The following GRID2 variants were observed in gnomAD, a reference collection of about 807,000 sequenced individuals.
GRID2 encodes the protein glutamate ionotropic receptor delta type subunit 2, also known as glutamate receptor ionotropic, delta-2.
A neutral mutation model predicts 114.8 loss-of-function variants in GRID2; 33 were observed. The ratio of observed to expected loss-of-function variants is 0.29; its 90% CI spans 0.22 to 0.38. The LOEUF is 0.38. Ranked by LOEUF, GRID2 falls within the 10% of genes least tolerant of loss-of-function variation. The probability of loss-of-function intolerance (pLI) is 1.00; values close to 1 mark genes in which losing one functional copy is unlikely to be tolerated. For synonymous variants in GRID2, 505 were observed against 449.9 expected, an observed-to-expected ratio of 1.12 and a Z score of -1.55; for missense variants, 1,184 against 1,257.7, an observed-to-expected ratio of 0.94 and a Z score of 0.89.
At chr4:93,760,590 C>A (rs1382817225) in intron 14 of GRID2, among the ~76,000 whole-genome samples, 1 of 152,186 alleles carries the variant, frequency 6.6e-6, no homozygotes, top group Non-Finnish European at 1.5e-5. Flanking sequence ...CTTCACCTCA[C>A]CGGCAGGAGT....
rs749790235 is a variant in GRID2, at chr4:92,460,032, C to CTCTATATATATATATATA, written c.89-130098_89-130097insCTATATATATATATATAT. Among the ~76,000 whole-genome samples the CTCTATATATATATATATA allele has an allele frequency of 6.1e-3, 295 of 48,290 alleles. 2 individuals are homozygous for CTCTATATATATATATATA. Among genetic ancestry groups the CTCTATATATATATATATA allele is most frequent in the Admixed American group, 8.5e-3 (32 of 3,752 alleles). 31.7% of individuals were successfully genotyped at this position (48,290 alleles called of 152,430 possible). On this transcript the variant is annotated intron_variant, in intron 1 of 15. Transcript: ENST00000282020. ...AGCCCATTCCTTAAAATAAATCTCA[C>CTCTATATATATATATATA]TATATATATATATATATATATACAC...
chr4:93,522,496 C>T (rs1445907720), intron 13 of GRID2, among the ~76,000 whole-genome samples: 1 of 152,038 alleles, frequency 6.6e-6, no homozygotes, highest in African/African-American at 2.4e-5. Context: ...GAGTATATTT[C>T]ACCAGAATTA....
intron 2 of GRID2, among the ~76,000 whole-genome samples, chr4:92,777,212 G>T (rs550748720): frequency 4.0e-4 from 61 of 151,756 alleles, no homozygotes; most frequent in Middle Eastern, 6.8e-3. Context: ...GTATAAGTAG[G>T]TTTCTCAGTA....
chr4:92,378,956 TA>T (rs1477171578), intron 1 of GRID2, among the ~76,000 whole-genome samples: 1 of 151,958 alleles, frequency 6.6e-6, no homozygotes, highest in Non-Finnish European at 1.5e-5. Flanking sequence ...TAAACCTTTA[TA>T]TATTTATTTA....
chr4:92,563,672 T>G (rs2149184532), intron 1 of GRID2, among the ~76,000 whole-genome samples: 1 of 152,194 alleles, frequency 6.6e-6, no homozygotes, highest in Non-Finnish European at 1.5e-5. Context: ...AGCATATGAC[T>G]AATGAGGGAA....
chr4:92,677,686 A>G (rs1377831019), intron 2 of GRID2, among the ~76,000 whole-genome samples: 1 of 151,978 alleles, frequency 6.6e-6, no homozygotes, highest in African/African-American at 2.4e-5. Flanking sequence ...TTTCTCTCTC[A>G]TGATATATCC....
At chr4:93,786,681 G>C (rs751481524) in intron 1 of GRID2, among the ~76,000 whole-genome samples, 5 of 152,202 alleles carry the variant, frequency 3.3e-5, no homozygotes, top group Admixed American at 6.5e-5. Flanking sequence ...TGAGAGGTCA[G>C]AAATTTAAGA....
At chr4:93,434,349 A>T (rs1720860796) in intron 10 of GRID2, among the ~76,000 whole-genome samples, 1 of 152,132 alleles carries the variant, frequency 6.6e-6, no homozygotes, top group South Asian at 2.1e-4. Context: ...TACCTAATGT[A>T]AATGTCGAGT....
intron 8 of GRID2, among the ~76,000 whole-genome samples, chr4:93,395,181 G>A (rs139123075): frequency 0.01 from 1,519 of 151,866 alleles, 15 homozygotes; most frequent in South Asian, 0.045. Context: ...TAAAAATAGT[G>A]TCTTTTTTCC....
At chr4:92,537,146 T>C (rs886418070) in intron 1 of GRID2, among the ~76,000 whole-genome samples, 3 of 152,210 alleles carry the variant, frequency 2.0e-5, no homozygotes, top group African/African-American at 7.2e-5. Flanking sequence ...TTTTTAAATA[T>C]TTTACAACTT....
chr4:93,755,119 G>A (rs569062974), intron 14 of GRID2, among the ~76,000 whole-genome samples: 1 of 152,244 alleles, frequency 6.6e-6, no homozygotes, highest in South Asian at 2.1e-4. Context: ...TAACAGCAAC[G>A]TATCCACACC....
At chr4:92,572,382 G>A (rs1727672264) in intron 1 of GRID2, among the ~76,000 whole-genome samples, 1 of 150,992 alleles carries the variant, frequency 6.6e-6, no homozygotes, top group Admixed American at 6.6e-5. Context: ...TTGAAATTGA[G>A]GCAATAATTA....
chr4:93,800,898 G>T (rs1734915557), intron 1 of GRID2, among the ~76,000 whole-genome samples: 1 of 152,136 alleles, frequency 6.6e-6, no homozygotes, highest in Admixed American at 6.6e-5. Context: ...CATAAAATAT[G>T]CTGGAAAACA....
chr4:92,313,819 A>G (rs1411459771), intron 1 of GRID2, among the ~76,000 whole-genome samples: 1 of 152,136 alleles, frequency 6.6e-6, no homozygotes, highest in Non-Finnish European at 1.5e-5. Flanking sequence ...GTGGACTACA[A>G]GTGACAAAAT....
At chr4:93,016,452 A>G (rs1364653021) in intron 2 of GRID2, among the ~76,000 whole-genome samples, 1 of 152,142 alleles carries the variant, frequency 6.6e-6, no homozygotes, top group Non-Finnish European at 1.5e-5. Context: ...ATAGTAGAGT[A>G]AAGAGAGGTC....
chr4:93,790,448 CA>C (rs1431663215), intron 1 of GRID2, among the ~76,000 whole-genome samples: 1 of 151,888 alleles, frequency 6.6e-6, no homozygotes, highest in Non-Finnish European at 1.5e-5. Context: ...ACTTCCAAGT[CA>C]TTTATTTTAA....
At chr4:92,922,939 A>C (rs1167255014) in intron 2 of GRID2, among the ~76,000 whole-genome samples, 1 of 152,228 alleles carries the variant, frequency 6.6e-6, no homozygotes, top group East Asian at 1.9e-4. Context: ...GGACGCTGAA[A>C]TATTCTGCTG....
intron 1 of GRID2, among the ~76,000 whole-genome samples, chr4:92,313,081 ATGTGTGTGTGTGTGTG>A (rs144557382): frequency 6.9e-5 from 10 of 145,112 alleles, no homozygotes; most frequent in Non-Finnish European, 9.1e-5. Flanking sequence ...AAACTCTGAT[ATGTGTGTGTGTGTGTG>A]TGTGTGTGTG....
chr4:93,259,619 T>G (rs1308118453), intron 8 of GRID2, among the ~76,000 whole-genome samples: 1 of 152,010 alleles, frequency 6.6e-6, no homozygotes, highest in African/African-American at 2.4e-5. Flanking sequence ...ATTTTTATTT[T>G]TATGCAAAGC....
Sources: allele counts gnomAD v4.1 joint callset (sites outside exome capture counted in the v4.1 genomes callset), GRCh38; gene constraint gnomAD v4.1.1; transcripts MANE v1.5; gene names NCBI Gene and HGNC (gene_info 2026-07-23, HGNC 2026-07-21).